The following MRPS30 variants were observed in gnomAD, a reference collection of about 807,000 sequenced individuals.
MRPS30 encodes large ribosomal subunit protein mL65.
MRPS30 carries 42 observed loss-of-function variants against 43.8 expected under a neutral mutation model. That is an observed-to-expected ratio of 0.96 (90% CI 0.75 to 1.24). The LOEUF (loss-of-function observed/expected upper bound fraction) is 1.24, where lower values mean the gene tolerates loss of function less well. Ranked by LOEUF, MRPS30 falls within the 50% of genes most tolerant of loss-of-function variation. The probability of loss-of-function intolerance (pLI) is 0.00; values close to 1 mark genes in which losing one functional copy is unlikely to be tolerated. For missense variants in MRPS30, 638 were observed against 570.0 expected (o/e 1.12, Z -1.22); for synonymous variants, 273 against 228.2 (o/e 1.20, Z -1.77).
At position 44,815,081 on chromosome 5, in the gene MRPS30, C is replaced by G. The variant is rs567465054; in HGVS notation, c.1199C>G (p.Pro400Arg). The change falls in exon 5 of 5, where the codon CCT (proline) becomes CGT (arginine). Residue 400 changes from proline (P) to arginine (R), a missense_variant. Physicochemically the swap from Pro to Arg is moderately radical, Grantham distance 103. Coordinates refer to ENST00000507110, the MANE Select transcript of MRPS30 (RefSeq NM_016640.4). ...ATATGTTGGGGTACACAAAGTAAGCCTCTTTATGAAACAATTGAGGATAAT... is the reference window on the plus strand; with the variant it reads ...ATATGTTGGGGTACACAAAGTAAGCGTCTTTATGAAACAATTGAGGATAAT... ...KNICWGTQSK[P>R]LYETIEDNDV... The G allele has an allele frequency of 2.5e-6, 4 of 1,613,150 alleles. No individual in the cohort carries two copies. The South Asian group carries it at 3.3e-5, about 13-fold the overall frequency.
intron 1 of MRPS30, 156 bp downstream of exon 1, chr5:44,809,719 A>G (rs1243845156): frequency 2.5e-6 from 2 of 787,094 alleles, no homozygotes; most frequent in Non-Finnish European, 3.9e-6. Flanking sequence ...GTTTTGTAAC[A>G]GTCACTGCGT....
At chr5:44,814,080 A>G (rs1023808985) in intron 4 of MRPS30, among the ~76,000 whole-genome samples, 2 of 152,158 alleles carry the variant, frequency 1.3e-5, no homozygotes, top group Non-Finnish European at 2.9e-5. Context: ...ACAGGCCTGA[A>G]ATATTTAGGA....
chr5:44,814,176 A>G (rs1215622801), intron 4 of MRPS30, among the ~76,000 whole-genome samples: 3 of 152,224 alleles, frequency 2.0e-5, no homozygotes, highest in Non-Finnish European at 4.4e-5. Context: ...TTCCAGGACT[A>G]TTAGAGCTCA....
At chr5:44,812,957 T>A (rs982256610) in intron 3 of MRPS30, 149 bp from the exon 4 acceptor site, 7 of 635,274 alleles carry the variant, frequency 1.1e-5, no homozygotes, top group Non-Finnish European at 1.5e-5. Context: ...CCATAAGATA[T>A]ATAAGTAAAC....
rs746316473 is a variant in MRPS30, at chr5:44,811,968, A to G, written c.801A>G (p.Lys267=). ...VPIEIPTIKC[K]PDKLPLFKRQ... ...TAGAAATCCCCACTATAAAATGTAAACCAGACAAACTTCCATTATTCAAAC... is the reference window on the plus strand; with the variant it reads ...TAGAAATCCCCACTATAAAATGTAAGCCAGACAAACTTCCATTATTCAAAC... The change falls in exon 3 of 5, where the codon AAA becomes AAG. Residue 267 remains lysine, a synonymous_variant. Transcript: ENST00000507110. 1.9e-6 allele frequency: 3 copies of G among 1,601,798 alleles called. No individual in the cohort carries two copies. The Admixed American group carries it at 5.2e-5, about 28-fold the overall frequency.
At chr5:44,809,827 A>G (rs866702860) in intron 1 of MRPS30, 7 of 455,806 alleles carry the variant, frequency 1.5e-5, no homozygotes, top group Middle Eastern at 1.1e-3. Context: ...CCTGGATTCT[A>G]CTTTGTGAGT....
In MRPS30 at chr5:44,815,184, A is replaced by T; in HGVS notation, c.1302A>T (p.Ser434=). The change falls in exon 5 of 5, where the codon TCA becomes TCT. Residue 434 remains serine (S), a synonymous_variant. Coordinates refer to ENST00000507110, the MANE Select transcript of MRPS30 (RefSeq NM_016640.4). ...FLLNRPKEEK[S]QLLEN is the part of the protein sequence containing the mutation. The stretch of plus-strand genomic sequence containing the variant: ...TGAATAGACCAAAAGAAGAAAAATC[A>T]CAGCTGTTGGAAAACTGAAAAAGCA... The T allele has an allele frequency of 6.3e-7, 1 of 1,586,332 alleles. No homozygotes were observed. The highest frequency in any genetic ancestry group is 8.5e-7 in the Non-Finnish European group (1 of 1,170,378).
At chr5:44,811,233 T>A in intron 2 of MRPS30, 79 bp downstream of exon 2, 1 of 1,467,622 alleles carries the variant, frequency 6.8e-7, no homozygotes, top group Non-Finnish European at 9.3e-7. Context: ...ATAGTCTTAG[T>A]AGAATAAAAT....
At chr5:44,809,898 G>C (rs1001636552) in intron 1 of MRPS30, 8 of 281,312 alleles carry the variant, frequency 2.8e-5, no homozygotes, top group African/African-American at 6.6e-5. Context: ...GAGTGGGGCG[G>C]GCCAGGTTTC....
chr5:44,811,937 T>G lies in MRPS30; in HGVS notation c.770T>G (p.Val257Gly). 6.3e-7 allele frequency: 1 copy of G among 1,590,508 alleles called. No homozygotes were observed. Among genetic ancestry groups the G allele is most frequent in the South Asian group, 1.1e-5 (1 of 87,846 alleles). The change falls in exon 3 of 5, where the codon GTT (valine) becomes GGT (glycine). Residue 257 changes from valine to glycine, a missense_variant. Val to Gly is a moderately radical substitution (Grantham distance 109). Coordinates refer to ENST00000507110, the MANE Select transcript of MRPS30 (RefSeq NM_016640.4). Reference protein sequence around the residue: ...LAEFVPLDYSVPIEIPTIKCK... With the variant: ...LAEFVPLDYSGPIEIPTIKCK... ...AAGTTTGTGCCATTGGATTATTCTG[T>G]TCCTATAGAAATCCCCACTATAAAA... is the stretch of plus-strand genomic sequence containing the variant.
At chr5:44,810,339 TCAG>T (rs1561264268) in intron 1 of MRPS30, among the ~76,000 whole-genome samples, 1 of 152,192 alleles carries the variant, frequency 6.6e-6, no homozygotes, top group Non-Finnish European at 1.5e-5. Context: ...TAGTAAAAAA[TCAG>T]CAGCTTCCGT....
Position 44,809,707 on chromosome 5 carries a change from T to G in MRPS30, c.601+144T>G, listed in dbSNP as rs1001430723. On this transcript the variant is annotated intron_variant, in intron 1 of 4. Coordinates refer to ENST00000507110, the MANE Select transcript of MRPS30 (RefSeq NM_016640.4). Reference sequence around the variant, plus strand: ...CCTTTCGTTCCTATCTGGGGTGGCCTGGTTTTGTAACAGTCACTGCGTTAG... The same window carrying G: ...CCTTTCGTTCCTATCTGGGGTGGCCGGGTTTTGTAACAGTCACTGCGTTAG... 4.3e-6 allele frequency: 4 copies of G among 936,526 alleles called. No individual in the cohort carries two copies. The Admixed American group carries it at 1.2e-4, about 28-fold the overall frequency. The allele number at this position is 936,526 out of a possible 1,614,324, so 58.0% of individuals were successfully genotyped here. A position where few individuals can be genotyped will look rare whatever the true frequency, so the allele number is the denominator to read the frequency against.
intron 2 of MRPS30, among the ~76,000 whole-genome samples, 178 bp downstream of exon 2, chr5:44,811,332 A>G (rs1166984334): frequency 6.6e-6 from 1 of 152,202 alleles, no homozygotes; most frequent in Non-Finnish European, 1.5e-5. Context: ...CTGCTTTGGT[A>G]TACTCCATAA....
intron 3 of MRPS30, among the ~76,000 whole-genome samples, chr5:44,812,754 G>A (rs895096835): frequency 3.3e-5 from 5 of 151,832 alleles, no homozygotes; most frequent in African/African-American, 1.2e-4. Flanking sequence ...TGAAGTGGCT[G>A]TATCCTCTTA....
intron 3 of MRPS30, 40 bp from the exon 4 acceptor site, chr5:44,813,066 A>G (rs936350301): frequency 3.1e-6 from 5 of 1,593,232 alleles, no homozygotes; most frequent in African/African-American, 1.4e-5. Flanking sequence ...CATGTTCTAC[A>G]TGTTTGTTTC....
intron 2 of MRPS30, 132 bp downstream of exon 2, chr5:44,811,286 A>G (rs1226347657): frequency 3.0e-6 from 3 of 1,010,522 alleles, no homozygotes; most frequent in Non-Finnish European, 4.3e-6. Context: ...CTTTTTGAAG[A>G]CATCACCTCT....
rs1742844345 is a variant in MRPS30, at chr5:44,811,853, G to T, written c.748-62G>T. ...ATTTTAAGATTTTTAAATCTAATGA[G>T]TGTGAGTAAAATACATACTAATGTT... On this transcript the variant is annotated intron_variant, in intron 2 of 4. Coordinates refer to ENST00000507110, the MANE Select transcript of MRPS30 (RefSeq NM_016640.4). The T allele has an allele frequency of 8.4e-6, 8 of 956,756 alleles. No individual in the cohort carries two copies. The South Asian group carries it at 1.6e-4, about 19-fold the overall frequency. The allele number at this position is 956,756 out of a possible 1,614,324, so 59.3% of individuals were successfully genotyped here. A position where few individuals can be genotyped will look rare whatever the true frequency, so the allele number is the denominator to read the frequency against.
Position 44,809,138 on chromosome 5 carries a change from G to A in MRPS30, c.176G>A (p.Arg59Gln). The A allele has an allele frequency of 6.2e-7, 1 of 1,611,762 alleles. No homozygotes were observed. The highest frequency in any genetic ancestry group is 8.5e-7 in the Non-Finnish European group (1 of 1,179,436). ...ATGACAGCCGACAGCAAAGCTGCAC[G>A]GCTGCGGCGGATCGAGCGCTGGCAG... The part of the protein sequence containing the change: ...ASMTADSKAA[R>Q]LRRIERWQAT... Residue 59 changes from arginine (R) to glutamine (Q), a missense_variant, in exon 1 of 5, where the codon CGG becomes CAG. Physicochemically the swap from Arg to Gln is conservative, Grantham distance 43 (BLOSUM62 1). Coordinates refer to ENST00000507110, the MANE Select transcript of MRPS30 (RefSeq NM_016640.4).
chr5:44,809,140 C>T lies in MRPS30; in HGVS notation c.178C>T (p.Leu60=), dbSNP rs779054869. ...SMTADSKAAR[L]RRIERWQATV... Reference sequence around the variant, plus strand: ...GACAGCCGACAGCAAAGCTGCACGGCTGCGGCGGATCGAGCGCTGGCAGGC... The same window carrying T: ...GACAGCCGACAGCAAAGCTGCACGGTTGCGGCGGATCGAGCGCTGGCAGGC... Residue 60 remains leucine (L), a synonymous_variant, in exon 1 of 5, where the codon CTG becomes TTG. Coordinates refer to ENST00000507110, the MANE Select transcript of MRPS30 (RefSeq NM_016640.4). The T allele has an allele frequency of 1.2e-5, 19 of 1,611,716 alleles. No individual in the cohort carries two copies. Among genetic ancestry groups the T allele is most frequent in the Non-Finnish European group, 1.6e-5 (19 of 1,179,464 alleles).
Sources: allele counts gnomAD v4.1 joint callset (sites outside exome capture counted in the v4.1 genomes callset), GRCh38; gene constraint gnomAD v4.1.1; transcripts MANE v1.5; gene names NCBI Gene and HGNC (gene_info 2026-07-23, HGNC 2026-07-21).